The following LAMA3 variants were observed in gnomAD, a reference collection of about 807,000 sequenced individuals.
LAMA3 encodes laminin subunit alpha 3, also known as laminin subunit alpha-3.
Under a neutral mutation model 402.0 loss-of-function variants are expected in LAMA3, and 281 were observed. That is an observed-to-expected ratio of 0.70 (90% CI 0.63 to 0.77). The LOEUF is 0.77. Ranked by LOEUF, LAMA3 falls within the 30% of genes least tolerant of loss-of-function variation. The pLI, the probability that LAMA3 is intolerant of heterozygous loss-of-function variation, is 0.00. For synonymous variants in LAMA3, 1,431 were observed against 1,558.4 expected, an observed-to-expected ratio of 0.92 and a Z score of 1.93; for missense variants, 3,840 against 4,215.5, an observed-to-expected ratio of 0.91 and a Z score of 2.47.
Position 23,949,656 on chromosome 18 carries a change from T to C in LAMA3, c.9352-109T>C, listed in dbSNP as rs1380904174. 2.8e-5 allele frequency: 29 copies of C among 1,045,958 alleles called. No homozygotes were observed. In the East Asian group the frequency reaches 6.4e-4, roughly 23 times the overall value. 64.8% of individuals were successfully genotyped at this position (1,045,958 alleles called of 1,614,324 possible). A position where few individuals can be genotyped will look rare whatever the true frequency, so the allele number is the denominator to read the frequency against. On this transcript the variant is annotated intron_variant, in intron 70 of 74. Coordinates refer to ENST00000313654, the MANE Select transcript of LAMA3 (RefSeq NM_198129.4). ...CTTGGAAGCGGGAAGAATGAATCCC[T>C]ACCTACCTTCCCCCTTTTGCTGACA...
intron 24 of LAMA3, among the ~76,000 whole-genome samples, chr18:23,836,106 T>TAC (rs10569981): frequency 0.07 from 10,298 of 148,046 alleles, 813 homozygotes; most frequent in African/African-American, 0.2. Context: ...TTTTAATGGA[T>TAC]ACACACACAC....
At position 23,758,498 on chromosome 18, in the gene LAMA3, C is replaced by A; in HGVS notation, c.1050C>A (p.Ser350Arg). Residue 350 changes from serine (S) to arginine (R), a missense_variant, in exon 7 of 75, where the codon AGC becomes AGA. Physicochemically the swap from Ser to Arg is moderately radical, Grantham distance 110. This residue lies in a region of LAMA3 where 2,109 missense variants were observed against 2,376.0 expected (regional missense o/e 0.89). Transcript: ENST00000313654. ...GGCGGCCCGCCGCTTGGGAGCAGAGCCACGAGTGTGAAGGTGGGTGTGGGG... is the reference window on the plus strand; with the variant it reads ...GGCGGCCCGCCGCTTGGGAGCAGAGACACGAGTGTGAAGGTGGGTGTGGGG... ...RRWRPAAWEQ[S>R]HECEACNCHG... is the part of the protein sequence containing the mutation. 1 of 1,613,786 alleles carries A rather than the reference C, an allele frequency of 6.2e-7. No homozygotes were observed. Among genetic ancestry groups the A allele is most frequent in the Non-Finnish European group, 8.5e-7 (1 of 1,179,840 alleles).
chr18:23,858,045 A>G (rs2064126843), intron 33 of LAMA3, 57 bp downstream of exon 33: 22 of 1,602,096 alleles, frequency 1.4e-5, no homozygotes, highest in Non-Finnish European at 1.8e-5. Context: ...AAAGTGCTTC[A>G]TGTTGAGTCA....
chr18:23,842,518 G>A lies in LAMA3; in HGVS notation c.3460G>A (p.Ala1154Thr), dbSNP rs769161473. The change falls in exon 28 of 75, where the codon GCA becomes ACA. Residue 1154 changes from alanine to threonine, a missense_variant. By Grantham distance (58) the Ala-to-Thr change is moderately conservative (BLOSUM62 0). This residue lies in a region of LAMA3 where 2,109 missense variants were observed against 2,376.0 expected (regional missense o/e 0.89). Coordinates refer to ENST00000313654, the MANE Select transcript of LAMA3 (RefSeq NM_198129.4). ...GTCGGTGGATGGCGGGTGGCCACGGGCAGGTGAGCTGCAGTGAGCAGGCCC... is the reference window on the plus strand; with the variant it reads ...GTCGGTGGATGGCGGGTGGCCACGGACAGGTGAGCTGCAGTGAGCAGGCCC... The part of the protein sequence containing the change: ...QVSVDGGWPR[A>T]GSFHASFCPH... 1.9e-4 allele frequency: 304 copies of A among 1,614,110 alleles called. No homozygotes were observed. The highest frequency in any genetic ancestry group is 2.5e-4 in the Non-Finnish European group (299 of 1,180,060).
At chr18:23,935,285 G>A (rs2082278995) in intron 67 of LAMA3, among the ~76,000 whole-genome samples, 1 of 152,212 alleles carries the variant, frequency 6.6e-6, no homozygotes, top group Non-Finnish European at 1.5e-5. Flanking sequence ...GTATTTGGAG[G>A]AAAAGAGAAT....
At chr18:23,789,126 C>A (rs1222049779) in intron 12 of LAMA3, among the ~76,000 whole-genome samples, 1 of 151,996 alleles carries the variant, frequency 6.6e-6, no homozygotes, top group Non-Finnish European at 1.5e-5. Flanking sequence ...CAAATCTAAA[C>A]CACAATGAAA....
Position 23,816,389 on chromosome 18 carries a change from G to A in LAMA3, c.2049G>A (p.Gly683=), listed in dbSNP as rs757562507. 2 of 1,613,676 alleles carry A rather than the reference G, an allele frequency of 1.2e-6. No homozygotes were observed. The highest frequency in any genetic ancestry group is 1.1e-5 in the South Asian group (1 of 91,072). ...CTGCTGCTGTTTCCTGGCTTTCAGG[G>A]TGTCAGTGTGACATTGGTGGGGCAT... The part of the protein sequence containing the change: ...LEKSNYFGCQ[G]CQCDIGGALS... Residue 683 remains glycine (G), a splice_region_variant and synonymous_variant, in exon 18 of 75, where the codon GGG becomes GGA. Coordinates refer to ENST00000313654, the MANE Select transcript of LAMA3 (RefSeq NM_198129.4).
chr18:23,743,958 T>G (rs1217062830), intron 2 of LAMA3, among the ~76,000 whole-genome samples: 1 of 152,218 alleles, frequency 6.6e-6, no homozygotes, highest in Non-Finnish European at 1.5e-5. Context: ...AGCACTCATG[T>G]GTGCTTTGAA....
intron 72 of LAMA3, 128 bp from the exon 73 acceptor site, chr18:23,951,556 G>A (rs879112791): frequency 1.7e-4 from 119 of 709,322 alleles, no homozygotes; most frequent in African/African-American, 4.7e-4. Flanking sequence ...CTTCAAAAGC[G>A]GAGGAGGGCC....
At chr18:23,849,250 C>T (rs2063891966) in intron 32 of LAMA3, among the ~76,000 whole-genome samples, 1 of 152,296 alleles carries the variant, frequency 6.6e-6, no homozygotes, top group South Asian at 2.1e-4. Flanking sequence ...TTATCTGGTG[C>T]CTCCCAACTC....
chr18:23,834,820 T>C (rs936154480), intron 24 of LAMA3: 1 of 152,130 alleles, frequency 6.6e-6, no homozygotes, highest in Non-Finnish European at 1.5e-5. Context: ...TGAAAACAAA[T>C]AAACAAATAA....
chr18:23,779,546 T>G (rs1040442538), intron 11 of LAMA3, among the ~76,000 whole-genome samples: 2 of 151,956 alleles, frequency 1.3e-5, no homozygotes, highest in Admixed American at 1.3e-4. Flanking sequence ...TTGCTCTTTG[T>G]TGAGAGGGAA....
At chr18:23,858,537 G>T in intron 33 of LAMA3, 152 bp from the exon 34 acceptor site, 1 of 755,722 alleles carries the variant, frequency 1.3e-6, no homozygotes, top group South Asian at 1.5e-5. Flanking sequence ...ATTAACATGG[G>T]ATGAAAGCTT....
At chr18:23,721,951 G>T (rs192851283) in intron 2 of LAMA3, among the ~76,000 whole-genome samples, 1 of 152,288 alleles carries the variant, frequency 6.6e-6, no homozygotes. Context: ...GCAAAACAAA[G>T]ATCTCAGTGT....
chr18:23,824,648 CGACCATAAAATATCACAATCATTG>C, intron 21 of LAMA3, 83 bp downstream of exon 21: 1 of 1,445,438 alleles, frequency 6.9e-7, no homozygotes, highest in Non-Finnish European at 9.7e-7. Flanking sequence ...CAATCCACAG[CGACCATAAAATATCACAATCATTG>C]GTGGTTTTAG....
intron 32 of LAMA3, among the ~76,000 whole-genome samples, chr18:23,849,503 G>A (rs1381862022): frequency 1.3e-5 from 2 of 152,198 alleles, no homozygotes; most frequent in African/African-American, 2.4e-5. Flanking sequence ...ACAATAAATC[G>A]CTGCAAATGG....
At chr18:23,715,359 ATG>A (rs1298579852) in intron 2 of LAMA3, among the ~76,000 whole-genome samples, 5 of 152,176 alleles carry the variant, frequency 3.3e-5, no homozygotes, top group African/African-American at 9.7e-5. Context: ...ACTGTGTCAA[ATG>A]CCATTGATAA....
At chr18:23,814,265 G>GT in intron 14 of LAMA3, 138 bp from the exon 15 acceptor site, 1 of 698,464 alleles carries the variant, frequency 1.4e-6, no homozygotes, top group Non-Finnish European at 2.6e-6. Context: ...AATCAACCCA[G>GT]TATTTTTTCC....
intron 5 of LAMA3, among the ~76,000 whole-genome samples, chr18:23,753,487 C>T (rs1414220047): frequency 6.6e-6 from 1 of 152,066 alleles, no homozygotes; most frequent in Non-Finnish European, 1.5e-5. Flanking sequence ...AGGCAATTTC[C>T]CTTCATGAAC....
Sources: allele counts gnomAD v4.1 joint callset (sites outside exome capture counted in the v4.1 genomes callset), GRCh38; gene constraint gnomAD v4.1.1; regional missense constraint gnomAD v4.1.1; transcripts MANE v1.5; gene names NCBI Gene and HGNC (gene_info 2026-07-23, HGNC 2026-07-21).